The following LRRC8A variants were observed in gnomAD, a reference collection of about 807,000 sequenced individuals.
The protein encoded by LRRC8A is leucine rich repeat containing 8 VRAC subunit A.
Under a neutral mutation model 52.5 loss-of-function variants are expected in LRRC8A, and 24 were observed. That is an observed-to-expected ratio of 0.46 (90% CI 0.33 to 0.64). LRRC8A has a LOEUF of 0.64. Ranked by LOEUF, LRRC8A falls within the 30% of genes least tolerant of loss-of-function variation. The probability of loss-of-function intolerance (pLI) is 0.02; values close to 1 mark genes in which losing one functional copy is unlikely to be tolerated. For synonymous variants in LRRC8A, 492 were observed against 494.2 expected (o/e 1.00, Z 0.06); for missense variants, 677 against 1,094.7 (o/e 0.62, Z 5.38).
At chr9:128,888,487 A>C (rs567621796) in intron 2 of LRRC8A, among the ~76,000 whole-genome samples, 1 of 152,228 alleles carries the variant, frequency 6.6e-6, no homozygotes, top group Admixed American at 6.5e-5. Flanking sequence ...CCCTTGCTGT[A>C]TCTGGAGGAA....
At position 128,909,265 on chromosome 9, in the gene LRRC8A, C is replaced by T. The variant is rs1840393002; in HGVS notation, c.2101C>T (p.Pro701Ser). The T allele has an allele frequency of 6.2e-7, 1 of 1,614,080 alleles. No homozygotes were observed. The highest frequency in any genetic ancestry group is 8.5e-7 in the Non-Finnish European group (1 of 1,180,052). Residue 701 changes from proline to serine, a missense_variant, in exon 3 of 4, where the codon CCT becomes TCT. This residue lies in a region of LRRC8A where 169 missense variants were observed against 217.6 expected (regional missense o/e 0.78). Transcript: ENST00000372600. Reference sequence around the variant, plus strand: ...CAGCCACAACAACCTGACCTTCCTCCCTGCCGACATCGGCCTCCTGCAGAA... The same window carrying T: ...CAGCCACAACAACCTGACCTTCCTCTCTGCCGACATCGGCCTCCTGCAGAA... ...DLSHNNLTFL[P>S]ADIGLLQNLQ... is the part of the protein sequence containing the mutation.
intron 2 of LRRC8A, among the ~76,000 whole-genome samples, chr9:128,893,408 G>A (rs370943574): frequency 3.2e-4 from 48 of 152,286 alleles, no homozygotes; most frequent in African/African-American, 8.7e-4. Flanking sequence ...TAATTCTCAC[G>A]ATAACCCATT....
rs1351995459 is a variant in LRRC8A, at chr9:128,916,299, G to A, written c.2361G>A (p.Glu787=). The A allele has an allele frequency of 1.2e-6, 2 of 1,613,238 alleles. No individual in the cohort carries two copies. Among genetic ancestry groups the A allele is most frequent in the Non-Finnish European group, 1.7e-6 (2 of 1,179,958 alleles). ...PLLKRSGLVV[E]EDLFNTLPPE... ...TCAAGCGCAGCGGCTTGGTGGTGGAGGAGGACCTGTTCAACACACTGCCAC... is the reference window on the plus strand; with the variant it reads ...TCAAGCGCAGCGGCTTGGTGGTGGAAGAGGACCTGTTCAACACACTGCCAC... The change falls in exon 4 of 4, where the codon GAG becomes GAA. Residue 787 remains glutamate, a synonymous_variant. Transcript: ENST00000372600. This position sits in a 1 kb window ranked among gnomAD's most constrained non-coding sequence, Gnocchi z 6.1.
intron 2 of LRRC8A, among the ~76,000 whole-genome samples, chr9:128,905,424 A>G (rs866850296): frequency 2.0e-5 from 3 of 152,210 alleles, no homozygotes; most frequent in Admixed American, 1.3e-4. Context: ...GGCCACAGAG[A>G]GGCATTCTCA....
intron 2 of LRRC8A, among the ~76,000 whole-genome samples, chr9:128,901,418 C>T (rs527644525): frequency 3.0e-3 from 450 of 152,162 alleles, no homozygotes; most frequent in African/African-American, 0.01. Context: ...GAGCCCAGAT[C>T]GTGCCACTGC....
At chr9:128,896,121 G>A (rs183239417) in intron 2 of LRRC8A, among the ~76,000 whole-genome samples, 55 of 152,294 alleles carry the variant, frequency 3.6e-4, no homozygotes, top group Non-Finnish European at 6.8e-4. Context: ...TTCCATGCAT[G>A]CTTTTGTATC....
intron 3 of LRRC8A, among the ~76,000 whole-genome samples, chr9:128,913,080 C>T (rs1213135269): frequency 7.2e-5 from 11 of 152,068 alleles, no homozygotes; most frequent in Admixed American, 1.3e-4. Flanking sequence ...GGGTCCTTGA[C>T]TTGCTCACTG....
intron 2 of LRRC8A, among the ~76,000 whole-genome samples, chr9:128,891,489 A>AT (rs1353713772): frequency 3.3e-5 from 5 of 152,162 alleles, no homozygotes; most frequent in Non-Finnish European, 7.4e-5. Context: ...TGAGCCAAGG[A>AT]GTTCAAAGTT....
At chr9:128,888,637 G>GT (rs1232434070) in intron 2 of LRRC8A, among the ~76,000 whole-genome samples, 1 of 152,164 alleles carries the variant, frequency 6.6e-6, no homozygotes, top group Non-Finnish European at 1.5e-5. Flanking sequence ...CTCAGGAAGG[G>GT]TTTGGGCAAG....
intron 2 of LRRC8A, among the ~76,000 whole-genome samples, chr9:128,897,461 G>C (rs1169263432): frequency 6.6e-6 from 1 of 151,952 alleles, no homozygotes; most frequent in Non-Finnish European, 1.5e-5. Flanking sequence ...GCCCACCTCA[G>C]CCTCCTCAAG....
At chr9:128,910,991 G>A (rs1840496428) in intron 3 of LRRC8A, among the ~76,000 whole-genome samples, 1 of 152,202 alleles carries the variant, frequency 6.6e-6, no homozygotes, top group Admixed American at 6.5e-5. Context: ...CAGGCATGAT[G>A]CACCTGTCCT....
intron 3 of LRRC8A, among the ~76,000 whole-genome samples, chr9:128,913,309 C>T (rs1840642778): frequency 6.6e-6 from 1 of 152,086 alleles, no homozygotes. Context: ...ACGCTGGGGC[C>T]CTGGAAGCCT....
chr9:128,912,506 G>GC (rs1473574474), intron 3 of LRRC8A, among the ~76,000 whole-genome samples: 2 of 145,550 alleles, frequency 1.4e-5, no homozygotes, highest in African/African-American at 5.0e-5. Context: ...TGGGGCTATG[G>GC]GGGGGGGTGT....
Position 128,916,662 on chromosome 9 carries a change from GC to G in LRRC8A, c.*295del, listed in dbSNP as rs1840835677. On this transcript the variant is annotated 3_prime_UTR_variant, in exon 4 of 4. Transcript: ENST00000372600. This position sits in a 1 kb window ranked among gnomAD's most constrained non-coding sequence, Gnocchi z 6.1. ...GGTCTCCTCCCTGGAGGCCAGCTCT[GC>G]CCCAGGGGCTGAGCTGCCACCAGAG... The G allele has an allele frequency of 5.5e-6, 2 of 363,998 alleles. No individual in the cohort carries two copies. Among genetic ancestry groups the G allele is most frequent in the East Asian group, 4.3e-5 (1 of 23,332 alleles). The allele number at this position is 363,998 out of a possible 1,614,324, so 22.5% of individuals were successfully genotyped here. A position where few individuals can be genotyped will look rare whatever the true frequency, so the allele number is the denominator to read the frequency against.
chr9:128,907,761 G>A lies in LRRC8A; in HGVS notation c.597G>A (p.Ser199=), dbSNP rs1235397496. The change falls in exon 3 of 4, where the codon TCG becomes TCA. Residue 199 remains serine, a synonymous_variant. Coordinates refer to ENST00000372600, the MANE Select transcript of LRRC8A (RefSeq NM_019594.4). The surrounding 1 kb of genome is among the most constrained non-coding windows in gnomAD (Gnocchi z 9.3). ...ATGGGTCCATGGACAAAAAGTCATC[G>A]ACCGTCAGTGAGGACGTGGAGGCCA... ...KMNGSMDKKS[S]TVSEDVEATV... 7 of 1,613,566 alleles carry A rather than the reference G, an allele frequency of 4.3e-6. No individual in the cohort carries two copies. Among genetic ancestry groups the A allele is most frequent in the South Asian group, 1.1e-5 (1 of 91,032 alleles).
chr9:128,882,774 G>A (rs980392415), intron 1 of LRRC8A: 1 of 398,934 alleles, frequency 2.5e-6, no homozygotes, highest in African/African-American at 2.1e-5. Context: ...TAGGCTCTTG[G>A]GGCCTTTCTG....
chr9:128,900,528 G>T (rs1189881419), intron 2 of LRRC8A, among the ~76,000 whole-genome samples: 2 of 151,934 alleles, frequency 1.3e-5, no homozygotes, highest in Non-Finnish European at 2.9e-5. Context: ...AACCAACATG[G>T]TGAAACCCTG....
At chr9:128,889,999 C>T (rs188096351) in intron 2 of LRRC8A, among the ~76,000 whole-genome samples, 1 of 152,084 alleles carries the variant, frequency 6.6e-6, no homozygotes, top group Non-Finnish European at 1.5e-5. Flanking sequence ...GACGGGGTTT[C>T]ACCTTGTTGG....
In LRRC8A at chr9:128,902,549, C is replaced by T. The variant is rs990543823; in HGVS notation, c.-8-4608C>T. Among the ~76,000 whole-genome samples the T allele has an allele frequency of 3.9e-5, 6 of 152,214 alleles. No homozygotes were observed. The highest frequency in any genetic ancestry group is 7.2e-5 in the African/African-American group (3 of 41,452). ...AGTATCATTGTCACCACATCCTGCC[C>T]GCTCAAACAGCCGCGCCCGCCCTGG... On this transcript the variant is annotated intron_variant, in intron 2 of 3. Transcript: ENST00000372600. This position sits in a 1 kb window ranked among gnomAD's most constrained non-coding sequence, Gnocchi z 4.1.
Sources: allele counts gnomAD v4.1 joint callset (sites outside exome capture counted in the v4.1 genomes callset), GRCh38; gene constraint gnomAD v4.1.1; regional missense constraint gnomAD v4.1.1; non-coding constraint Gnocchi (gnomAD v3.1); transcripts MANE v1.5; gene names NCBI Gene and HGNC (gene_info 2026-07-23, HGNC 2026-07-21).